Variants in ZNF69 observed in about 807,000 individuals in gnomAD.
ZNF69 encodes zinc finger protein 69.
ZNF69 carries 47 observed loss-of-function variants against 50.9 expected under a neutral mutation model. The observed-to-expected ratio is 0.92, with a 90% CI of 0.73 to 1.18. The LOEUF (loss-of-function observed/expected upper bound fraction) is 1.18, where lower values mean the gene tolerates loss of function less well. ZNF69 is among the 50% of genes most tolerant of loss of function. The pLI is 0.00. For synonymous variants in ZNF69, 216 were observed against 223.1 expected, an observed-to-expected ratio of 0.97 and a Z score of 0.29; for missense variants, 717 against 675.1, an observed-to-expected ratio of 1.06 and a Z score of -0.69.
intron 1 of ZNF69, among the ~76,000 whole-genome samples, chr19:11,902,249 T>A (rs911390186): frequency 6.6e-6 from 1 of 152,228 alleles, no homozygotes; most frequent in African/African-American, 2.4e-5. Context: ...TCCAAAGTGC[T>A]GGGATTACAG....
rs1381925898 is a variant in ZNF69 at position 11,905,158 on chromosome 19, G to T, written c.761G>T (p.Gly254Val). The T allele has an allele frequency of 2.5e-6, 4 of 1,614,002 alleles. No individual in the cohort carries two copies. The highest frequency in any genetic ancestry group is 4.5e-5 in the East Asian group (2 of 44,886). Reference sequence around the variant, plus strand: ...AAACCATATGAATGTAAACAATGTGGTAAATCCTTTAGTTATTCTGCTACC... The same window carrying T: ...AAACCATATGAATGTAAACAATGTGTTAAATCCTTTAGTTATTCTGCTACC... ...GEKPYECKQC[G>V]KSFSYSATLR... Residue 254 changes from glycine (G) to valine (V), a missense_variant, in exon 4 of 4, where the codon GGT becomes GTT. Coordinates refer to ENST00000429654, the MANE Select transcript of ZNF69 (RefSeq NM_001364730.1).
chr19:11,904,888 G>GT lies in ZNF69; in HGVS notation c.492dup (p.Lys165Ter), dbSNP rs1568279444. 5.0e-6 allele frequency: 8 copies of GT among 1,614,168 alleles called. No homozygotes were observed. Among genetic ancestry groups the GT allele is most frequent in the Non-Finnish European group, 6.8e-6 (8 of 1,180,032 alleles). On this transcript the variant is annotated frameshift_variant, in exon 4 of 4. Transcript: ENST00000429654. LOFTEE classifies it high-confidence loss of function. ...TATCAGGAATATGGACCGAAGCCAT[G>GT]TAAGTGTCAACAACCTAAAAAAGCC... is the stretch of plus-strand genomic sequence containing the variant.
chr19:11,915,173 G>A (rs2947939), downstream of ZNF69, among the ~76,000 whole-genome samples: 2 of 152,016 alleles, frequency 1.3e-5, no homozygotes, highest in Non-Finnish European at 2.9e-5. Flanking sequence ...ATTGCACCCT[G>A]CAGCCTAGTC....
At chr19:11,948,183 G>A in the ZNF69 span, 8 of 1,399,810 alleles carry the variant, frequency 5.7e-6, no homozygotes, top group Non-Finnish European at 7.9e-6. Flanking sequence ...ACACTTTGAT[G>A]GACAGTGTTA....
chr19:11,979,722 A>G, the ZNF69 span: 10 of 1,598,790 alleles, frequency 6.3e-6, no homozygotes, highest in African/African-American at 1.3e-5. Flanking sequence ...GAGTGTAAGC[A>G]ATGTGGGAAA....
chr19:11,919,716 G>C, the ZNF69 span, among the ~76,000 whole-genome samples: 1 of 152,120 alleles, frequency 6.6e-6, no homozygotes, highest in Non-Finnish European at 1.5e-5. Context: ...AGAAGAGAGA[G>C]AGAACTCTGT....
chr19:11,938,660 A>G, the ZNF69 span, among the ~76,000 whole-genome samples: 1 of 152,108 alleles, frequency 6.6e-6, no homozygotes, highest in African/African-American at 2.4e-5. Flanking sequence ...AGTCTTTGCT[A>G]TTGTGAATGG....
the ZNF69 span, among the ~76,000 whole-genome samples, chr19:11,972,326 A>C: frequency 6.6e-6 from 1 of 152,182 alleles, no homozygotes; most frequent in Non-Finnish European, 1.5e-5. Flanking sequence ...AAAGAAAAAA[A>C]TGAGTTTCAA....
the ZNF69 span, among the ~76,000 whole-genome samples, chr19:11,925,996 G>T: frequency 6.6e-6 from 1 of 152,154 alleles, no homozygotes. Context: ...GTGGAAGGGG[G>T]GTTAGAAGGC....
At chr19:11,922,399 C>T in the ZNF69 span, among the ~76,000 whole-genome samples, 6 of 152,152 alleles carry the variant, frequency 3.9e-5, no homozygotes, top group Non-Finnish European at 5.9e-5. Context: ...GGATATGAAT[C>T]GTCTGAGCCA....
At chr19:11,904,514 C>T (rs1022078672) in intron 3 of ZNF69, 135 bp from the exon 4 acceptor site, 62 of 1,293,032 alleles carry the variant, frequency 4.8e-5, no homozygotes, top group Non-Finnish European at 6.2e-5. Flanking sequence ...TGTCCAGTCA[C>T]CTTCAAACAA....
the ZNF69 span, among the ~76,000 whole-genome samples, chr19:11,968,326 A>G: frequency 6.6e-6 from 1 of 152,000 alleles, no homozygotes; most frequent in East Asian, 1.9e-4. Context: ...ATCATGGCTT[A>G]CTGCAGCCTT....
chr19:11,944,576 C>G, the ZNF69 span, among the ~76,000 whole-genome samples: 1 of 152,192 alleles, frequency 6.6e-6, no homozygotes, highest in South Asian at 2.1e-4. Flanking sequence ...AAGAAGCACA[C>G]GGGTTACTTC....
the ZNF69 span, among the ~76,000 whole-genome samples, chr19:11,939,606 C>G: frequency 0.012 from 1,779 of 152,218 alleles, 21 homozygotes; most frequent in Middle Eastern, 0.024. Flanking sequence ...GGTACCAGTA[C>G]CATGCTGTTG....
chr19:11,967,415 T>A, the ZNF69 span, among the ~76,000 whole-genome samples: 10 of 151,952 alleles, frequency 6.6e-5, no homozygotes, highest in Non-Finnish European at 1.3e-4. Flanking sequence ...TCTATTTTGT[T>A]TTTTTTTGAG....
intron 4 of ZNF69, among the ~76,000 whole-genome samples, chr19:11,912,493 A>T (rs2145254348): frequency 1.3e-5 from 2 of 152,304 alleles, no homozygotes; most frequent in South Asian, 4.1e-4. Flanking sequence ...GTTCTTTTCA[A>T]TATCATGAAA....
At chr19:11,931,806 C>T in the ZNF69 span, among the ~76,000 whole-genome samples, 1 of 147,976 alleles carries the variant, frequency 6.8e-6, no homozygotes, top group East Asian at 1.9e-4. Flanking sequence ...CTTTTTTGGA[C>T]TTCAAGAAAA....
chr19:11,946,287 C>G, the ZNF69 span, among the ~76,000 whole-genome samples: 1 of 152,082 alleles, frequency 6.6e-6, no homozygotes, highest in African/African-American at 2.4e-5. Context: ...TCTGGGTGGT[C>G]TAGGGGTGTA....
At chr19:11,948,361 A>G in the ZNF69 span, 2 of 1,613,992 alleles carry the variant, frequency 1.2e-6, no homozygotes, top group South Asian at 2.2e-5. Context: ...TGACAGACTG[A>G]ACTTCCAGGA....
Sources: gnomAD v4.1 joint callset for allele counts (sites outside exome capture counted in the v4.1 genomes callset) on GRCh38, gnomAD v4.1.1 for gene constraint, MANE v1.5 for transcripts, NCBI Gene and HGNC (gene_info 2026-07-23, HGNC 2026-07-21) for gene names.